The following HNF4G variants were observed in gnomAD, a reference collection of about 807,000 sequenced individuals.
HNF4G encodes the protein hepatocyte nuclear factor 4 gamma.
HNF4G carries 21 observed loss-of-function variants against 50.9 expected under a neutral mutation model. That is an observed-to-expected ratio of 0.41 (90% CI 0.29 to 0.59). HNF4G has a LOEUF of 0.59. HNF4G is among the 20% of genes least tolerant of loss of function. The pLI is 0.26. For synonymous variants in HNF4G, 198 were observed against 185.6 expected (o/e 1.07, Z -0.54); for missense variants, 527 against 559.4 (o/e 0.94, Z 0.58).
intron 1 of HNF4G, among the ~76,000 whole-genome samples, chr8:75,436,763 T>TC (rs1394258414): frequency 6.6e-6 from 1 of 152,192 alleles, no homozygotes; most frequent in Non-Finnish European, 1.5e-5. Flanking sequence ...GAGAACTTTG[T>TC]CCAGGCACAG....
intron 1 of HNF4G, among the ~76,000 whole-genome samples, chr8:75,427,384 C>T (rs1333503846): frequency 2.6e-5 from 4 of 152,046 alleles, no homozygotes; most frequent in Non-Finnish European, 5.9e-5. Context: ...TCAAGACCAG[C>T]TTGGCCAACA....
intron 1 of HNF4G, among the ~76,000 whole-genome samples, chr8:75,485,046 A>G (rs1812468414): frequency 6.6e-6 from 1 of 152,226 alleles, no homozygotes; most frequent in Admixed American, 6.5e-5. Context: ...AGATAACTAT[A>G]TTTAAATGGT....
At chr8:75,542,272 T>C (rs1263570612) in intron 1 of HNF4G, among the ~76,000 whole-genome samples, 2 of 151,732 alleles carry the variant, frequency 1.3e-5, no homozygotes, top group Admixed American at 6.6e-5. Flanking sequence ...ACCACTGCAG[T>C]CCAGCCTGGG....
At chr8:75,499,664 T>C (rs1186223464) in intron 2 of HNF4G, among the ~76,000 whole-genome samples, 1 of 152,006 alleles carries the variant, frequency 6.6e-6, no homozygotes, top group African/African-American at 2.4e-5. Context: ...ATTAAAGCTG[T>C]ACAGTACTAA....
intron 6 of HNF4G, among the ~76,000 whole-genome samples, chr8:75,558,290 C>G (rs1807189222): frequency 6.6e-6 from 1 of 152,186 alleles, no homozygotes; most frequent in Non-Finnish European, 1.5e-5. Context: ...TCACCAGTGA[C>G]TGATCCCGTT....
At chr8:75,492,541 T>C (rs6995394) in intron 2 of HNF4G, among the ~76,000 whole-genome samples, 36,978 of 152,094 alleles carry the variant, frequency 0.24, 4,760 homozygotes, top group South Asian at 0.31. Context: ...CCAATAATGA[T>C]GGCCTTCACC....
intron 5 of HNF4G, among the ~76,000 whole-genome samples, chr8:75,555,566 G>T (rs1045639390): frequency 4.7e-5 from 4 of 85,516 alleles, no homozygotes; most frequent in African/African-American, 4.1e-4. Flanking sequence ...ATGAGTACAT[G>T]ATGAGATTTT....
In HNF4G at chr8:75,550,469, C is replaced by T. The variant is rs183160937; in HGVS notation, c.383-919C>T. ...CTGGGACTACAAGCGTGTGCCACCA[C>T]GCCTGGCTAATTTTTGTATTTTTAG... is the stretch of plus-strand genomic sequence containing the variant. On this transcript the variant is annotated intron_variant, in intron 3 of 9. Coordinates refer to ENST00000396423, the MANE Select transcript of HNF4G (RefSeq NM_004133.5). 6.6e-3 allele frequency among the ~76,000 whole-genome samples: 997 copies of T among 152,014 alleles called. 4 individuals carry two copies. The highest frequency in any genetic ancestry group is 0.019 in the African/African-American group (792 of 41,450).
At chr8:75,509,755 A>G (rs994013059) in intron 2 of HNF4G, among the ~76,000 whole-genome samples, 5 of 152,148 alleles carry the variant, frequency 3.3e-5, no homozygotes, top group Admixed American at 6.6e-5. Context: ...TTATAATGTC[A>G]TGGGGCAATG....
At position 75,518,010 on chromosome 8, in the gene HNF4G, T is replaced by A. The variant is rs146638682; in HGVS notation, c.-23-25801T>A. Among the ~76,000 whole-genome samples, 1,132 of 152,074 alleles carry A rather than the reference T, an allele frequency of 7.4e-3. 10 individuals carry two copies. Among genetic ancestry groups the A allele is most frequent in the African/African-American group, 0.025 (1,057 of 41,472 alleles). ...TTTTTTAATTATTATTATTATACTT[T>A]AAGTTTTAGGGTACATGTGCACAAT... On this transcript the variant is annotated intron_variant, in intron 2 of 10. Coordinates refer to the HNF4G transcript ENST00000354370.
intron 2 of HNF4G, among the ~76,000 whole-genome samples, chr8:75,521,124 T>G (rs1161476051): frequency 6.6e-6 from 1 of 152,188 alleles, no homozygotes; most frequent in African/African-American, 2.4e-5. Flanking sequence ...ACAAAAGAAC[T>G]ATTGTTAAAA....
chr8:75,505,517 G>A (rs1225278118), intron 2 of HNF4G, among the ~76,000 whole-genome samples: 2 of 152,102 alleles, frequency 1.3e-5, no homozygotes, highest in Non-Finnish European at 1.5e-5. Flanking sequence ...GATCCAGAAT[G>A]TTTTGAAACA....
chr8:75,543,614 C>T (rs1806689633), intron 1 of HNF4G, among the ~76,000 whole-genome samples, 197 bp from the exon 2 acceptor site: 1 of 152,048 alleles, frequency 6.6e-6, no homozygotes, highest in Non-Finnish European at 1.5e-5. Context: ...CCTATGGTGT[C>T]CCAAAGTTAA....
chr8:75,462,078 T>G (rs1811866376), intron 1 of HNF4G, among the ~76,000 whole-genome samples: 1 of 151,696 alleles, frequency 6.6e-6, no homozygotes, highest in Non-Finnish European at 1.5e-5. Flanking sequence ...CCACCATGGC[T>G]GTCTAATTTT....
At chr8:75,428,310 C>T (rs899268013) in intron 1 of HNF4G, among the ~76,000 whole-genome samples, 8 of 152,072 alleles carry the variant, frequency 5.3e-5, no homozygotes, top group Admixed American at 4.6e-4. Flanking sequence ...TATTGTTAGC[C>T]TTTTACCCTC....
At chr8:75,490,433 A>G (rs184596650) in intron 2 of HNF4G, among the ~76,000 whole-genome samples, 82 of 152,226 alleles carry the variant, frequency 5.4e-4, no homozygotes, top group Non-Finnish European at 9.4e-4. Context: ...GCCTTTTGTC[A>G]TTGGTTTTTA....
chr8:75,527,850 T>C (rs1386124098), intron 2 of HNF4G, among the ~76,000 whole-genome samples: 1 of 152,218 alleles, frequency 6.6e-6, no homozygotes, highest in African/African-American at 2.4e-5. Context: ...TCCTTTTCTG[T>C]GTAAATTAAG....
rs1807308050 is a variant in HNF4G, at chr8:75,561,419, GT to G, written c.1246+955del. 1.3e-5 allele frequency among the ~76,000 whole-genome samples: 2 copies of G among 152,038 alleles called. 1 individual carries two copies. Among genetic ancestry groups the G allele is most frequent in the African/African-American group, 4.8e-5 (2 of 41,388 alleles). On this transcript the variant is annotated intron_variant, in intron 9 of 9. Coordinates refer to ENST00000396423, the MANE Select transcript of HNF4G (RefSeq NM_004133.5). ...TATTCCTTTCTGCACTTCCACTGTT[GT>G]TGGTCAATTCTAATTCAATTATTCA...
chr8:75,415,064 C>T (rs912076552), intron 1 of HNF4G, among the ~76,000 whole-genome samples: 3 of 152,176 alleles, frequency 2.0e-5, no homozygotes, highest in Non-Finnish European at 4.4e-5. Flanking sequence ...TTTAGACATT[C>T]TAAAAGATAT....
Sources: allele counts gnomAD v4.1 joint callset (sites outside exome capture counted in the v4.1 genomes callset), GRCh38; gene constraint gnomAD v4.1.1; transcripts MANE v1.5; gene names NCBI Gene and HGNC (gene_info 2026-07-23, HGNC 2026-07-21).